UVRAG: variants seen among roughly 807,000 people sequenced by gnomAD.
UVRAG encodes the protein UV radiation resistance associated, also known as UV radiation resistance-associated gene protein.
A neutral mutation model predicts 78.0 loss-of-function variants in UVRAG; 19 were observed. The ratio of observed to expected loss-of-function variants is 0.24; its 90% CI spans 0.17 to 0.36. The LOEUF (loss-of-function observed/expected upper bound fraction) is 0.36. Ranked by LOEUF, UVRAG falls within the 10% of genes least tolerant of loss-of-function variation. UVRAG has a pLI of 1.00. For synonymous variants in UVRAG, 323 were observed against 324.6 expected, an observed-to-expected ratio of 1.00 and a Z score of 0.05; for missense variants, 740 against 853.8, an observed-to-expected ratio of 0.87 and a Z score of 1.66.
At chr11:75,859,873 G>A (rs1041950984) in intron 2 of UVRAG, among the ~76,000 whole-genome samples, 1 of 152,100 alleles carries the variant, frequency 6.6e-6, no homozygotes, top group African/African-American at 2.4e-5. Context: ...CATTTACATT[G>A]GCATGTTCAT....
At chr11:76,115,166 G>A (rs1273628670) in intron 13 of UVRAG, among the ~76,000 whole-genome samples, 9 of 152,248 alleles carry the variant, frequency 5.9e-5, no homozygotes, top group South Asian at 2.1e-4. Flanking sequence ...AGAACAGACC[G>A]ATGAAAACCA....
At chr11:76,037,658 G>A (rs1013555230) in intron 12 of UVRAG, among the ~76,000 whole-genome samples, 2 of 152,050 alleles carry the variant, frequency 1.3e-5, no homozygotes, top group African/African-American at 2.4e-5. Flanking sequence ...ACTGCAGTGA[G>A]CTGTGTTCAC....
At chr11:75,886,252 C>T (rs1300006428) in intron 4 of UVRAG, among the ~76,000 whole-genome samples, 2 of 152,094 alleles carry the variant, frequency 1.3e-5, no homozygotes, top group Non-Finnish European at 2.9e-5. Context: ...ACTTTGAGAA[C>T]TTTACCTTCA....
At chr11:75,974,968 A>T (rs978766792) in intron 7 of UVRAG, among the ~76,000 whole-genome samples, 8 of 152,262 alleles carry the variant, frequency 5.3e-5, no homozygotes, top group Admixed American at 2.0e-4. Flanking sequence ...TTTGTCCTGA[A>T]TGGTATTGCC....
At chr11:76,055,312 T>G (rs1386874989) in intron 12 of UVRAG, among the ~76,000 whole-genome samples, 2 of 152,230 alleles carry the variant, frequency 1.3e-5, no homozygotes, top group Non-Finnish European at 2.9e-5. Flanking sequence ...TCCCCCAAAG[T>G]GCTGAGATTA....
intron 4 of UVRAG, among the ~76,000 whole-genome samples, chr11:75,885,339 A>G: frequency 6.6e-6 from 1 of 152,082 alleles, no homozygotes; most frequent in East Asian, 1.9e-4. Context: ...AGAACTTTGT[A>G]TTAATAACAA....
chr11:75,836,854 G>T (rs1945787091), intron 1 of UVRAG, among the ~76,000 whole-genome samples: 1 of 152,000 alleles, frequency 6.6e-6, no homozygotes, highest in African/African-American at 2.4e-5. Context: ...AAATCTTCAT[G>T]TCTTCACTTC....
intron 7 of UVRAG, among the ~76,000 whole-genome samples, chr11:75,976,668 G>C (rs562655411): frequency 4.6e-4 from 70 of 152,194 alleles, no homozygotes; most frequent in Non-Finnish European, 5.6e-4. Context: ...GGTGTTTATA[G>C]TATTATCTGA....
chr11:75,875,157 T>C (rs893053293), intron 3 of UVRAG, among the ~76,000 whole-genome samples: 2 of 152,250 alleles, frequency 1.3e-5, no homozygotes, highest in Non-Finnish European at 2.9e-5. Context: ...CATTTTATCA[T>C]GTCAGACATC....
At position 76,144,136 on chromosome 11, in the gene UVRAG, A is replaced by T. The variant is rs73500023; in HGVS notation, c.*2723A>T. On this transcript the variant is annotated 3_prime_UTR_variant, in exon 15 of 15. Transcript: ENST00000356136. ...ACCAGTTATTTAAATAATTTTTTAA[A>T]CCACCACGAATAATAAATGGCATGT... 7.4e-4 allele frequency among the ~76,000 whole-genome samples: 112 copies of T among 152,300 alleles called. No homozygotes were observed. The highest frequency in any genetic ancestry group is 2.3e-3 in the African/African-American group (96 of 41,572).
intron 5 of UVRAG, among the ~76,000 whole-genome samples, chr11:75,893,038 C>T (rs1437660956): frequency 6.6e-6 from 1 of 151,872 alleles, no homozygotes; most frequent in Admixed American, 6.6e-5. Context: ...ATTAGCCAGG[C>T]ATAGTGGCGG....
intron 13 of UVRAG, among the ~76,000 whole-genome samples, chr11:76,102,248 T>G (rs990460936): frequency 3.9e-5 from 6 of 152,228 alleles, no homozygotes; most frequent in African/African-American, 1.4e-4. Flanking sequence ...CATCTTGATT[T>G]CTTTGAGCAG....
At chr11:75,888,156 C>T (rs548895433) in intron 4 of UVRAG, among the ~76,000 whole-genome samples, 1 of 151,632 alleles carries the variant, frequency 6.6e-6, no homozygotes, top group Non-Finnish European at 1.5e-5. Flanking sequence ...ATTTTTAAGA[C>T]GAGGTTGTGC....
At chr11:75,985,070 A>G (rs565371970) in intron 8 of UVRAG, among the ~76,000 whole-genome samples, 11 of 151,744 alleles carry the variant, frequency 7.2e-5, no homozygotes, top group Non-Finnish European at 7.4e-5. Context: ...ATTGTGCCCA[A>G]TGGTTTTCCA....
chr11:75,966,232 G>A (rs2135221165), intron 7 of UVRAG, among the ~76,000 whole-genome samples: 1 of 151,924 alleles, frequency 6.6e-6, no homozygotes, highest in African/African-American at 2.4e-5. Context: ...AATTATTTTT[G>A]TATTTTGTTG....
Position 75,945,870 on chromosome 11 carries a change from T to G in UVRAG, c.594-15574T>G, listed in dbSNP as rs2135150442. The stretch of plus-strand genomic sequence containing the variant: ...TATCTAGCTAATTCCTACTTTTCCT[T>G]CAAATGTTGGCTCAGTGTTTACCCC... On this transcript the variant is annotated intron_variant, in intron 6 of 14. Transcript: ENST00000356136. 1.3e-5 allele frequency among the ~76,000 whole-genome samples: 2 copies of G among 152,220 alleles called. 1 individual carries two copies. Among genetic ancestry groups the G allele is most frequent in the Middle Eastern group, 6.8e-3 (2 of 294 alleles).
chr11:75,829,924 C>A (rs1945616410), intron 1 of UVRAG, among the ~76,000 whole-genome samples: 1 of 152,232 alleles, frequency 6.6e-6, no homozygotes, highest in African/African-American at 2.4e-5. Flanking sequence ...ACTGCAGCCT[C>A]CACCTGCTGG....
At chr11:76,121,176 A>C (rs1952267177) in intron 14 of UVRAG, among the ~76,000 whole-genome samples, 2 of 152,214 alleles carry the variant, frequency 1.3e-5, no homozygotes. Flanking sequence ...ACAGTATGGA[A>C]TTCTTAGCTA....
chr11:76,133,910 C>A (rs1952555984), intron 14 of UVRAG, among the ~76,000 whole-genome samples: 1 of 150,678 alleles, frequency 6.6e-6, no homozygotes, highest in Non-Finnish European at 1.5e-5. Flanking sequence ...TGATTTGGGT[C>A]TTTTTCTCCA....
Sources: gnomAD v4.1 joint callset for allele counts (sites outside exome capture counted in the v4.1 genomes callset) on GRCh38, gnomAD v4.1.1 for gene constraint, MANE v1.5 for transcripts, NCBI Gene and HGNC (gene_info 2026-07-23, HGNC 2026-07-21) for gene names.